PCDHA5: variants seen among roughly 807,000 people sequenced by gnomAD.
PCDHA5 encodes the protein protocadherin alpha-5.
Under a neutral mutation model 61.6 loss-of-function variants are expected in PCDHA5, and 43 were observed. That is an observed-to-expected ratio of 0.70 (90% CI 0.55 to 0.90). The LOEUF is 0.90. Ranked by LOEUF, PCDHA5 falls within the 40% of genes least tolerant of loss-of-function variation. PCDHA5 has a pLI of 0.00. For synonymous variants in PCDHA5, 627 were observed against 543.9 expected (o/e 1.15, Z -2.13); for missense variants, 1,298 against 1,222.7 (o/e 1.06, Z -0.92).
intron 1 of PCDHA5, among the ~76,000 whole-genome samples, chr5:140,916,423 G>A (rs915446945): frequency 6.6e-6 from 1 of 152,174 alleles, no homozygotes; most frequent in Non-Finnish European, 1.5e-5. Context: ...GCACATCTCA[G>A]AACCTAAGGC....
intron 1 of PCDHA5, chr5:140,876,474 C>T: frequency 6.2e-7 from 1 of 1,614,014 alleles, no homozygotes; most frequent in Non-Finnish European, 8.5e-7. Flanking sequence ...CAGGTCACAG[C>T]ATGGTCCTGG....
chr5:140,852,738 C>A, intron 1 of PCDHA5: 1 of 983,624 alleles, frequency 1.0e-6, no homozygotes, highest in Non-Finnish European at 1.2e-6. Flanking sequence ...TTTCATGTGC[C>A]ATTTAAACTT....
intron 1 of PCDHA5, among the ~76,000 whole-genome samples, chr5:140,976,407 C>T (rs781867787): frequency 1.1e-4 from 17 of 151,868 alleles, no homozygotes; most frequent in Non-Finnish European, 2.1e-4. Flanking sequence ...AAAAATTAGC[C>T]AGGTACGGTG....
At chr5:140,850,136 C>A in intron 1 of PCDHA5, 1 of 1,595,682 alleles carries the variant, frequency 6.3e-7, no homozygotes, top group Non-Finnish European at 8.6e-7. Context: ...CTCTGGGCAG[C>A]AACGTGACGC....
rs2150120154 is a variant in PCDHA5 at position 140,822,892 on chromosome 5, G to A, written c.1117G>A (p.Val373Met). The change falls in exon 1 of 4, where the codon GTG becomes ATG. Residue 373 changes from valine to methionine, a missense_variant. Transcript: ENST00000529859. ...CAGCACGGTCATTGCTCTGATCAGC[G>A]TGTCTGACCGTGACTCAGGTGCCAA... ...PLSTVIALIS[V>M]SDRDSGANGQ... 2 of 1,614,212 alleles carry A rather than the reference G, an allele frequency of 1.2e-6. No individual in the cohort carries two copies. The highest frequency in any genetic ancestry group is 4.5e-5 in the East Asian group (2 of 44,882).
rs2150122762 is a variant in PCDHA5, at chr5:140,823,140, G to T, written c.1365G>T (p.Ala455=). 2 of 1,614,000 alleles carry T rather than the reference G, an allele frequency of 1.2e-6. No individual in the cohort carries two copies. Among genetic ancestry groups the T allele is most frequent in the South Asian group, 2.2e-5 (2 of 91,082 alleles). Residue 455 remains alanine (A), a synonymous_variant, in exon 1 of 4, where the codon GCG becomes GCT. Transcript: ENST00000529859. ...TGAACGACAACGCTCCGGCGTTCGC[G>T]CAGCCCCAGTATACCGTGTTCGTGA... ...ADVNDNAPAF[A]QPQYTVFVKE...
intron 1 of PCDHA5, among the ~76,000 whole-genome samples, chr5:140,945,947 A>C (rs2093865061): frequency 6.6e-6 from 1 of 152,132 alleles, no homozygotes; most frequent in Non-Finnish European, 1.5e-5. Flanking sequence ...TTTTTATATG[A>C]CCCTGAAAGC....
chr5:140,843,061 G>A lies in PCDHA5; in HGVS notation c.2352+18934G>A, dbSNP rs113750272. ...GCACTGGTGGCGCAGCGAGCAAGCT[G>A]GTGCCGCGGTCTGTGGGCGCGGGCC... On this transcript the variant is annotated intron_variant, in intron 1 of 3. Coordinates refer to ENST00000529859, the MANE Select transcript of PCDHA5 (RefSeq NM_018908.3). 2.1e-3 allele frequency: 3,330 copies of A among 1,595,224 alleles called. 278 individuals are homozygous for A. In the African/African-American group the frequency reaches 0.039, roughly 19 times the overall value.
chr5:140,824,248 A>G (rs2150133568), intron 1 of PCDHA5, 121 bp downstream of exon 1: 39 of 1,434,746 alleles, frequency 2.7e-5, no homozygotes, highest in Non-Finnish European at 3.8e-5. Flanking sequence ...TGTGGTACAC[A>G]ATTATTGCAC....
chr5:140,843,136 G>C, intron 1 of PCDHA5: 1 of 1,596,026 alleles, frequency 6.3e-7, no homozygotes, highest in South Asian at 1.1e-5. Context: ...GCTACAACGC[G>C]TGGCTTTCGT....
At chr5:140,852,778 A>T (rs2150522420) in intron 1 of PCDHA5, 1 of 980,232 alleles carries the variant, frequency 1.0e-6, no homozygotes, top group East Asian at 1.1e-4. Flanking sequence ...TTTGATGTGA[A>T]TAGAGGGATG....
At chr5:140,851,037 T>C (rs1393971342) in intron 1 of PCDHA5, 4 of 1,398,626 alleles carry the variant, frequency 2.9e-6, no homozygotes, top group Non-Finnish European at 3.8e-6. Flanking sequence ...CCCTTAACAT[T>C]GGAGCCGACT....
At chr5:140,968,467 A>G (rs2153771249) in intron 1 of PCDHA5, 1 of 1,614,124 alleles carries the variant, frequency 6.2e-7, no homozygotes, top group Non-Finnish European at 8.5e-7. Flanking sequence ...CTGCCAACGT[A>G]TATGTGGTGG....
In PCDHA5 at chr5:141,011,200, A is replaced by C. The variant is rs1242625146; in HGVS notation, c.*1263A>C. 6.5e-6 allele frequency: 1 copy of C among 153,774 alleles called. No individual in the cohort carries two copies. Among genetic ancestry groups the C allele is most frequent in the Non-Finnish European group, 1.5e-5 (1 of 68,036 alleles). The allele number at this position is 153,774 out of a possible 1,614,324, so 9.5% of individuals were successfully genotyped here. ...AATTGAAGAAAAATATTGTTTTCTCATACAGTGAGCAGATTTTTCAATCTA... is the reference window on the plus strand; with the variant it reads ...AATTGAAGAAAAATATTGTTTTCTCCTACAGTGAGCAGATTTTTCAATCTA... On this transcript the variant is annotated 3_prime_UTR_variant, in exon 4 of 4. Transcript: ENST00000529859.
At chr5:140,828,529 G>A in intron 1 of PCDHA5, 1 of 1,614,222 alleles carries the variant, frequency 6.2e-7, no homozygotes, top group Non-Finnish European at 8.5e-7. Flanking sequence ...ACGAATCTAG[G>A]CTGCCAGATT....
rs1554205452 is a variant in PCDHA5 at position 140,928,080 on chromosome 5, C to T, written c.2353-50869C>T. ...CGGCTTCCTTTGACAACTACTACAG[C>T]CTGCTGATTGATGGGCCCCTGGACC... On this transcript the variant is annotated intron_variant, in intron 1 of 3. Transcript: ENST00000529859. The T allele has an allele frequency of 2.5e-6, 4 of 1,614,072 alleles. No homozygotes were observed. The African/African-American group carries it at 4.0e-5, about 16-fold the overall frequency.
chr5:140,967,641 T>C (rs2096165933), intron 1 of PCDHA5: 1 of 1,614,004 alleles, frequency 6.2e-7, no homozygotes, highest in East Asian at 2.2e-5. Context: ...AATGGTGAGC[T>C]CAGGTACTCC....
chr5:140,866,156 GAA>G (rs1441624325), intron 1 of PCDHA5: 1 of 152,104 alleles, frequency 6.6e-6, no homozygotes, highest in Admixed American at 6.5e-5. Flanking sequence ...ATATAAGTAA[GAA>G]TCGTTTAACA....
chr5:140,887,074 G>T (rs1554182860), intron 1 of PCDHA5, among the ~76,000 whole-genome samples: 2 of 151,506 alleles, frequency 1.3e-5, no homozygotes, highest in Non-Finnish European at 2.9e-5. Flanking sequence ...AATTCACTCA[G>T]CTTTTGTCTG....
Sources: allele counts gnomAD v4.1 joint callset (sites outside exome capture counted in the v4.1 genomes callset), GRCh38; gene constraint gnomAD v4.1.1; transcripts MANE v1.5; gene names NCBI Gene and HGNC (gene_info 2026-07-23, HGNC 2026-07-21).